ZFX: variants seen among roughly 807,000 people sequenced by gnomAD.
ZFX encodes zinc finger protein X-linked.
For synonymous variants in ZFX, 196 were observed against 226.8 expected, an observed-to-expected ratio of 0.86 and a Z score of 1.22; for missense variants, 362 against 628.3, an observed-to-expected ratio of 0.58 and a Z score of 4.53.
chrX:24,214,737 A>C lies in ZFX; in HGVS notation c.*3361A>C, dbSNP rs990931232. On this transcript the variant is annotated 3_prime_UTR_variant, in exon 10 of 10. Coordinates refer to ENST00000304543, the MANE Select transcript of ZFX (RefSeq NM_003410.4). ...TTCATAAAGGATTTGTTTTATTAGC[A>C]TCTCCAATTCCCCTGAGATAAATTA... 1.1e-4 allele frequency: 12 copies of C among 112,117 alleles called. No individual in the cohort carries two copies. The highest frequency in any genetic ancestry group is 3.9e-4 in the African/African-American group (12 of 30,868). 9.2% of individuals were successfully genotyped at this position (112,117 alleles called of 1,213,427 possible).
intron 4 of ZFX, among the ~76,000 whole-genome samples, chrX:24,174,219 GAAAAAA>G (rs1819790031): frequency 9.4e-6 from 1 of 106,829 alleles, no homozygotes; most frequent in Admixed American, 1.0e-4. Context: ...TCTCAAAAGA[GAAAAAA>G]AATAAAAATA....
At chrX:24,201,645 C>A (rs1569162693) in intron 5 of ZFX, among the ~76,000 whole-genome samples, 1 of 112,250 alleles carries the variant, frequency 8.9e-6, no homozygotes, top group Non-Finnish European at 1.9e-5. Context: ...CTTTATCCCT[C>A]CACTGCTACC....
chrX:24,170,863 C>T (rs1046163002), intron 3 of ZFX, among the ~76,000 whole-genome samples: 4 of 111,407 alleles, frequency 3.6e-5, no homozygotes, highest in African/African-American at 9.8e-5. Context: ...CTACCCACCT[C>T]GGCCTCCCAC....
chrX:24,178,222 G>A (rs954652319), intron 4 of ZFX, among the ~76,000 whole-genome samples: 3 of 110,024 alleles, frequency 2.7e-5, no homozygotes, highest in African/African-American at 6.6e-5. Flanking sequence ...GAGCCACTGC[G>A]CCCGGCCTAC....
At chrX:24,163,220 G>GGTGTGTGT (rs57212971) in intron 3 of ZFX, among the ~76,000 whole-genome samples, 1 of 86,442 alleles carries the variant, frequency 1.2e-5, no homozygotes, top group African/African-American at 4.4e-5. Flanking sequence ...CAAGGTCTGT[G>GGTGTGTGT]GTGTGTGTGT....
intron 5 of ZFX, among the ~76,000 whole-genome samples, chrX:24,184,290 G>C (rs1315186020): frequency 9.0e-6 from 1 of 111,395 alleles, no homozygotes; most frequent in Non-Finnish European, 1.9e-5. Flanking sequence ...TTTGTGAGGG[G>C]AAGAGGGCCT....
chrX:24,166,462 A>C (rs1414024827), intron 3 of ZFX, among the ~76,000 whole-genome samples: 1 of 112,215 alleles, frequency 8.9e-6, no homozygotes, highest in Non-Finnish European at 1.9e-5. Context: ...TTTGAAAATA[A>C]AATATTCTTT....
chrX:24,184,518 G>A (rs1429927496), intron 5 of ZFX, among the ~76,000 whole-genome samples: 1 of 110,370 alleles, frequency 9.1e-6, no homozygotes, highest in Non-Finnish European at 1.9e-5. Context: ...AGTTGCTTTA[G>A]TAACAATTTA....
At chrX:24,195,910 G>A (rs978118891) in intron 5 of ZFX, among the ~76,000 whole-genome samples, 2 of 112,502 alleles carry the variant, frequency 1.8e-5, no homozygotes, top group Non-Finnish European at 3.8e-5. Context: ...TTCATGATAA[G>A]TGTGTTACAA....
intron 9 of ZFX, among the ~76,000 whole-genome samples, chrX:24,209,677 G>A (rs1030612794): frequency 3.6e-5 from 4 of 111,116 alleles, no homozygotes; most frequent in African/African-American, 9.8e-5. Flanking sequence ...CTGGGTACAG[G>A]TGGTTCTCCT....
chrX:24,161,364 C>T (rs1311337929), intron 3 of ZFX, among the ~76,000 whole-genome samples: 4 of 112,258 alleles, frequency 3.6e-5, no homozygotes, highest in Non-Finnish European at 5.6e-5. Context: ...TTGCTGCTGC[C>T]ACTGCTGCTT....
intron 5 of ZFX, among the ~76,000 whole-genome samples, chrX:24,201,198 G>C (rs1248022971): frequency 2.7e-5 from 3 of 110,385 alleles, no homozygotes; most frequent in African/African-American, 1.0e-4. Flanking sequence ...TTCATATTCA[G>C]AATAATTTTA....
chrX:24,202,082 C>A (rs1230943927), intron 5 of ZFX, among the ~76,000 whole-genome samples: 1 of 111,988 alleles, frequency 8.9e-6, no homozygotes, highest in African/African-American at 3.2e-5. Context: ...ACCTTCCCTG[C>A]TTCCCTAAAC....
At chrX:24,152,924 G>A (rs762209983) in intron 3 of ZFX, 94 bp downstream of exon 3, 1 of 112,276 alleles carries the variant, frequency 8.9e-6, no homozygotes, top group South Asian at 3.7e-4. Context: ...AAACTGACTG[G>A]TGGAACACCT....
Position 24,215,658 on chromosome X carries a change from A to G in ZFX, c.*4282A>G, listed in dbSNP as rs1390474314. ...CAGTGAGAGAAAAATAGGACCCCAG[A>G]CAGTTTATACCTTCCATTTGCTGTT... On this transcript the variant is annotated 3_prime_UTR_variant, in exon 10 of 10. Coordinates refer to ENST00000304543, the MANE Select transcript of ZFX (RefSeq NM_003410.4). The G allele has an allele frequency of 9.0e-6, 1 of 111,477 alleles. No individual in the cohort carries two copies. The highest frequency in any genetic ancestry group is 1.9e-5 in the Non-Finnish European group (1 of 53,110). 9.2% of individuals were successfully genotyped at this position (111,477 alleles called of 1,213,427 possible).
At chrX:24,208,788 TG>T in intron 8 of ZFX, 111 bp from the exon 9 acceptor site, 2 of 824,824 alleles carry the variant, frequency 2.4e-6, no homozygotes, top group East Asian at 6.9e-5. Flanking sequence ...GGGGAATTTC[TG>T]TCATTCATGA....
chrX:24,168,670 TC>T (rs1934249076), intron 3 of ZFX, among the ~76,000 whole-genome samples: 1 of 72,345 alleles, frequency 1.4e-5, no homozygotes, highest in South Asian at 1.3e-3. Context: ...TTTCTTTCTT[TC>T]TTTTTTTTTT....
intron 5 of ZFX, among the ~76,000 whole-genome samples, chrX:24,181,033 T>C (rs995325618): frequency 4.5e-5 from 5 of 112,338 alleles, no homozygotes; most frequent in Non-Finnish European, 3.8e-5. Flanking sequence ...ACTTAAAATA[T>C]AAAGGATTCA....
chrX:24,186,250 C>T (rs1290670377), intron 5 of ZFX, among the ~76,000 whole-genome samples: 2 of 111,422 alleles, frequency 1.8e-5, no homozygotes, highest in East Asian at 2.8e-4. Context: ...ATCTGAGTGT[C>T]TAATAAACAG....
Sources: gnomAD v4.1 joint callset for allele counts (sites outside exome capture counted in the v4.1 genomes callset) on GRCh38, gnomAD v4.1.1 for gene constraint, MANE v1.5 for transcripts, NCBI Gene and HGNC (gene_info 2026-07-23, HGNC 2026-07-21) for gene names.